The following TMC6 variants were observed in gnomAD, a reference collection of about 807,000 sequenced individuals.
TMC6 encodes the protein transmembrane channel like 6, also known as transmembrane channel-like protein 6.
In TMC6, 71 loss-of-function variants were observed where a neutral mutation model predicts 95.4. The observed-to-expected ratio is 0.74, with a 90% CI of 0.61 to 0.91. TMC6 has a LOEUF of 0.91. Among genes scored for constraint, TMC6 ranks in the 40% least tolerant of loss-of-function variants. The pLI is 0.00. For synonymous variants in TMC6, 514 were observed against 483.1 expected (o/e 1.06, Z -0.84); for missense variants, 1,074 against 1,079.1 (o/e 1.00, Z 0.07).
chr17:78,125,375 C>A, intron 5 of TMC6, 112 bp from the exon 6 acceptor site: 1 of 977,622 alleles, frequency 1.0e-6, no homozygotes, highest in African/African-American at 1.6e-5. Flanking sequence ...CGAGACACCT[C>A]GGTGCCCTTA....
chr17:78,127,132 G>A (rs2074759384), intron 1 of TMC6: 1 of 557,718 alleles, frequency 1.8e-6, no homozygotes, highest in Non-Finnish European at 3.2e-6. Flanking sequence ...AGGAAGGAAG[G>A]GTGTGGGGTC....
At chr17:78,113,925 C>T in intron 18 of TMC6, 1 of 435,008 alleles carries the variant, frequency 2.3e-6, no homozygotes, top group Non-Finnish European at 4.3e-6. Context: ...ACTGGCTCTG[C>T]CTTGGGTTAC....
intron 9 of TMC6, 134 bp downstream of exon 9, chr17:78,123,855 A>G (rs1434823092): frequency 1.7e-6 from 2 of 1,179,400 alleles, no homozygotes; most frequent in Non-Finnish European, 2.5e-6. Context: ...ATAGTTGGAT[A>G]GGTGAGTGGA....
chr17:78,127,414 C>G (rs766794344), intron 1 of TMC6, among the ~76,000 whole-genome samples: 1 of 152,202 alleles, frequency 6.6e-6, no homozygotes, highest in African/African-American at 2.4e-5. Context: ...GCTCCTCCCC[C>G]ACACACAGAG....
chr17:78,121,546 A>C lies in TMC6; in HGVS notation c.1383+10T>G, dbSNP rs1292409538. 1.9e-6 allele frequency: 3 copies of C among 1,610,750 alleles called. No homozygotes were observed. The highest frequency in any genetic ancestry group is 1.3e-5 in the African/African-American group (1 of 74,740). On this transcript the variant is annotated intron_variant, in intron 11 of 19. Transcript: ENST00000590602. This position sits in a 1 kb window ranked among gnomAD's most constrained non-coding sequence, Gnocchi z 5.6. ...TCCAAGCAAGGGCCAGGCTCCCCCC[A>C]TCCCCGCACCTGGATCATGAACTCC...
intron 18 of TMC6, among the ~76,000 whole-genome samples, chr17:78,115,656 C>G (rs1421667465): frequency 1.3e-4 from 19 of 143,554 alleles, no homozygotes; most frequent in Non-Finnish European, 2.1e-4. Flanking sequence ...GGAGTGGGCA[C>G]AGGGGCGAAG....
At position 78,109,378 on chromosome 17, in the gene TMC6, T is replaced by G. The variant is rs1010768747; in HGVS notation, c.*3770A>C. On this transcript the variant is annotated 3_prime_UTR_variant, in exon 20 of 20. Coordinates refer to ENST00000590602, the MANE Select transcript of TMC6 (RefSeq NM_001127198.5). ...CAAGAAAACCTACGCAGGATCCACG[T>G]GGAAACAAAGCTGCTTAGCTCTGCA... is the stretch of plus-strand genomic sequence containing the variant. The G allele has an allele frequency of 1.6e-5, 7 of 448,514 alleles. No homozygotes were observed. The highest frequency in any genetic ancestry group is 2.7e-5 in the Non-Finnish European group (6 of 223,008). 27.8% of individuals were successfully genotyped at this position (448,514 alleles called of 1,614,324 possible).
chr17:78,131,549 C>A, upstream of TMC6: 2 of 1,537,982 alleles, frequency 1.3e-6, no homozygotes, highest in Non-Finnish European at 1.7e-6. Flanking sequence ...TCCCCCCCAC[C>A]GGCAGCCCGG....
intron 13 of TMC6, 50 bp downstream of exon 13, chr17:78,120,603 G>A: frequency 1.2e-6 from 2 of 1,612,764 alleles, no homozygotes; most frequent in Non-Finnish European, 8.5e-7. Context: ...ACACGTCCCG[G>A]CCACTAAGGG....
intron 6 of TMC6, 73 bp from the exon 7 acceptor site, chr17:78,125,058 C>G: frequency 6.5e-7 from 1 of 1,540,434 alleles, no homozygotes; most frequent in Admixed American, 2.0e-5. Flanking sequence ...AGACCGGCCA[C>G]CCACGGGCTC....
rs543475074 is a variant in TMC6 at position 78,128,595 on chromosome 17, G to A, written c.-75+17C>T. On this transcript the variant is annotated intron_variant, in intron 1 of 19. Transcript: ENST00000590602. This position sits in a 1 kb window ranked among gnomAD's most constrained non-coding sequence, Gnocchi z 4.0. ...CTGGGGCTGGCGGGACCCGGGACCG[G>A]GATCGCGGCCGCTCACCTGGGAGGC... is the stretch of plus-strand genomic sequence containing the variant. 1.3e-5 allele frequency: 2 copies of A among 152,532 alleles called. No homozygotes were observed. The highest frequency in any genetic ancestry group is 3.9e-4 in the East Asian group (2 of 5,166). 9.4% of individuals were successfully genotyped at this position (152,532 alleles called of 1,614,324 possible).
chr17:78,122,709 T>C lies in TMC6; in HGVS notation c.1123A>G (p.Thr375Ala), dbSNP rs776225390. The C allele has an allele frequency of 8.7e-6, 14 of 1,611,120 alleles. No individual in the cohort carries two copies. Among genetic ancestry groups the C allele is most frequent in the Non-Finnish European group, 1.2e-5 (14 of 1,179,246 alleles). Residue 375 changes from threonine (T) to alanine (A), a missense_variant, in exon 10 of 20, where the codon ACC becomes GCC. Transcript: ENST00000590602. This position sits in a 1 kb window ranked among gnomAD's most constrained non-coding sequence, Gnocchi z 4.9. Reference sequence around the variant, plus strand: ...ACGGTGATGGCGTGGATGCCAGAGGTGCTGCCCACCCGGTAGCTCTCCCCG... The same window carrying C: ...ACGGTGATGGCGTGGATGCCAGAGGCGCTGCCCACCCGGTAGCTCTCCCCG... ...SFGESYRVGS[T>A]SGIHAITVFC...
Position 78,120,415 on chromosome 17 carries a change from C to T in TMC6, c.1715+238G>A, listed in dbSNP as rs150155192. ...CCTCAGGTGATCCACTCACCTCAGC[C>T]TCCCAAAGTGCTGGGATTACAGGCA... On this transcript the variant is annotated intron_variant, in intron 13 of 19. Coordinates refer to ENST00000590602, the MANE Select transcript of TMC6 (RefSeq NM_001127198.5). The T allele has an allele frequency of 0.051, 31,619 of 622,240 alleles. 952 individuals carry two copies. The highest frequency in any genetic ancestry group is 0.082 in the East Asian group (2,248 of 27,568). The allele number at this position is 622,240 out of a possible 1,614,324, so 38.5% of individuals were successfully genotyped here.
In TMC6 at chr17:78,121,808, C is replaced by G. The variant is rs1420964290; in HGVS notation, c.1228-97G>C. The G allele has an allele frequency of 4.8e-6, 7 of 1,448,798 alleles. No individual in the cohort carries two copies. The highest frequency in any genetic ancestry group is 6.4e-6 in the Non-Finnish European group (7 of 1,089,068). 89.7% of individuals were successfully genotyped at this position (1,448,798 alleles called of 1,614,324 possible). A position where few individuals can be genotyped will look rare whatever the true frequency, so the allele number is the denominator to read the frequency against. ...ACACACACAACACACATGAGACACACCAGGAGGCTTGAACCAGGACAGAGG... is the reference window on the plus strand; with the variant it reads ...ACACACACAACACACATGAGACACAGCAGGAGGCTTGAACCAGGACAGAGG... On this transcript the variant is annotated intron_variant, in intron 10 of 19. Transcript: ENST00000590602. The surrounding 1 kb of genome is among the most constrained non-coding windows in gnomAD (Gnocchi z 5.6).
chr17:78,119,094 C>A, intron 14 of TMC6, 48 bp from the exon 15 acceptor site: 2 of 1,547,206 alleles, frequency 1.3e-6, no homozygotes, highest in Non-Finnish European at 1.8e-6. Flanking sequence ...CCCTCCCCTC[C>A]CCGAGATCAG....
chr17:78,132,063 C>T, upstream of TMC6: 1 of 1,534,810 alleles, frequency 6.5e-7, no homozygotes, highest in African/African-American at 1.4e-5. Context: ...CTCCCCTTGC[C>T]CTCTCTGGAG....
At chr17:78,113,313 C>A in intron 19 of TMC6, 102 bp from the exon 20 acceptor site, 1 of 1,357,720 alleles carries the variant, frequency 7.4e-7, no homozygotes, top group Non-Finnish European at 1.0e-6. Context: ...CCAGACGCCC[C>A]ACAGCCTTTC....
At chr17:78,116,632 T>G (rs895036941) in intron 18 of TMC6, among the ~76,000 whole-genome samples, 1 of 151,864 alleles carries the variant, frequency 6.6e-6, no homozygotes, top group African/African-American at 2.4e-5. Context: ...ATGCCTATAA[T>G]CCTAGCACTT....
At position 78,107,505 on chromosome 17, in the gene TMC6, A is replaced by C. The variant is rs950061274; in HGVS notation, c.*5643T>G. ...TTTTCAAAAGACACTATGGATGTCT[A>C]CTTTGCACGCTGCGATTGGGAGAGC... On this transcript the variant is annotated 3_prime_UTR_variant, in exon 20 of 20. Coordinates refer to ENST00000590602, the MANE Select transcript of TMC6 (RefSeq NM_001127198.5). 4.6e-5 allele frequency: 7 copies of C among 152,252 alleles called. No homozygotes were observed. Among genetic ancestry groups the C allele is most frequent in the Admixed American group, 3.9e-4 (6 of 15,284 alleles). The allele number at this position is 152,252 out of a possible 1,614,324, so 9.4% of individuals were successfully genotyped here. A position where few individuals can be genotyped will look rare whatever the true frequency, so the allele number is the denominator to read the frequency against.
Sources: gnomAD v4.1 joint callset for allele counts (sites outside exome capture counted in the v4.1 genomes callset) on GRCh38, gnomAD v4.1.1 for gene constraint, Gnocchi (gnomAD v3.1) non-coding constraint, MANE v1.5 for transcripts, NCBI Gene and HGNC (gene_info 2026-07-23, HGNC 2026-07-21) for gene names.